MEGF10: variants seen among roughly 807,000 people sequenced by gnomAD.
MEGF10 encodes multiple epidermal growth factor-like domains protein 10.
In MEGF10, 86 loss-of-function variants were observed where a neutral mutation model predicts 147.5. That is an observed-to-expected ratio of 0.58 (90% CI 0.49 to 0.70). MEGF10 has a LOEUF of 0.70. Among genes scored for constraint, MEGF10 ranks in the 30% least tolerant of loss-of-function variants. The pLI is 0.00. For missense variants in MEGF10, 1,329 were observed against 1,487.3 expected, an observed-to-expected ratio of 0.89 and a Z score of 1.75; for synonymous variants, 478 against 525.5, an observed-to-expected ratio of 0.91 and a Z score of 1.24.
chr5:127,427,885 C>T (rs1171773986), intron 13 of MEGF10, among the ~76,000 whole-genome samples: 3 of 152,200 alleles, frequency 2.0e-5, no homozygotes, highest in Non-Finnish European at 4.4e-5. Context: ...AAATGACTCA[C>T]TATCTGACCC....
chr5:127,251,283 T>C, the MEGF10 span, among the ~76,000 whole-genome samples: 6 of 152,074 alleles, frequency 3.9e-5, no homozygotes, highest in African/African-American at 1.4e-4. Context: ...AGGAGCAGTA[T>C]GCACATCAGG....
chr5:127,294,830 AATAAT>A (rs1341466082), intron 1 of MEGF10, among the ~76,000 whole-genome samples: 33 of 146,844 alleles, frequency 2.2e-4, no homozygotes, highest in Non-Finnish European at 3.0e-4. Context: ...TAATAATAAT[AATAAT>A]AAATAACTTG....
rs1482351826 is a variant in MEGF10, at chr5:127,449,240, A to C, written c.2980+18A>C. On this transcript the variant is annotated intron_variant, in intron 22 of 24. Transcript: ENST00000503335. ...CGAGCTCGGTGAGTTCTCCCAACGC[A>C]CGTCCCCAGAAGCACCTTGACCTGT... is the stretch of plus-strand genomic sequence containing the variant. 2 of 1,612,730 alleles carry C rather than the reference A, an allele frequency of 1.2e-6. No individual in the cohort carries two copies. Among genetic ancestry groups the C allele is most frequent in the African/African-American group, 2.7e-5 (2 of 74,964 alleles).
chr5:127,266,881 ACTT>A, the MEGF10 span, among the ~76,000 whole-genome samples: 20 of 152,096 alleles, frequency 1.3e-4, no homozygotes, highest in African/African-American at 4.8e-4. Context: ...GGATGATTTG[ACTT>A]CTTCTCTTCC....
chr5:127,267,923 GTTC>G, the MEGF10 span, among the ~76,000 whole-genome samples: 1 of 152,084 alleles, frequency 6.6e-6, no homozygotes, highest in South Asian at 2.1e-4. Context: ...ATCTCCTTCA[GTTC>G]TTCTCTGATC....
At chr5:127,391,087 TGCGCGCGCGC>T (rs139002719) in intron 5 of MEGF10, among the ~76,000 whole-genome samples, 76 of 131,984 alleles carry the variant, frequency 5.8e-4, no homozygotes, top group Middle Eastern at 3.8e-3. Context: ...CATACACACA[TGCGCGCGCGC>T]GCGCGCACAC....
chr5:127,457,271 G>A lies in MEGF10; in HGVS notation c.3376G>A (p.Glu1126Lys). 1 of 1,614,040 alleles carries A rather than the reference G, an allele frequency of 6.2e-7. No homozygotes were observed. Among genetic ancestry groups the A allele is most frequent in the Non-Finnish European group, 8.5e-7 (1 of 1,179,998 alleles). The change falls in exon 25 of 25, where the codon GAG becomes AAG. Residue 1126 changes from glutamate to lysine, a missense_variant. Glu to Lys is a moderately conservative substitution (Grantham distance 56). Around this residue, in one of 3 missense-constraint regions of MEGF10, gnomAD observed 343 missense variants for 377.9 expected, o/e 0.91. Transcript: ENST00000503335. Reference sequence around the variant, plus strand: ...AGACAGTTCATCCTCCCCTAAGCAAGAGGACAGTGGTGGTAGCAGCAGCAA... The same window carrying A: ...AGACAGTTCATCCTCCCCTAAGCAAAAGGACAGTGGTGGTAGCAGCAGCAA... ...VRDSSSSPKQEDSGGSSSNSS... is the reference protein window; with the variant it reads ...VRDSSSSPKQKDSGGSSSNSS...
At chr5:127,445,219 A>G in intron 19 of MEGF10, 1 of 522,110 alleles carries the variant, frequency 1.9e-6, no homozygotes, top group South Asian at 2.2e-5. Flanking sequence ...GGCACGCATC[A>G]CTGTGCCCAG....
chr5:127,277,995 A>T, the MEGF10 span, among the ~76,000 whole-genome samples: 7 of 152,196 alleles, frequency 4.6e-5, no homozygotes, highest in Non-Finnish European at 1.0e-4. Context: ...GCAGCTGGGC[A>T]GAGGTCAAGC....
the MEGF10 span, among the ~76,000 whole-genome samples, chr5:127,255,471 GC>G: frequency 6.6e-6 from 1 of 151,502 alleles, no homozygotes; most frequent in Admixed American, 6.6e-5. Context: ...AAGGAGGGGG[GC>G]AGTTTTAGGG....
At chr5:127,302,174 A>T (rs922619246) in intron 1 of MEGF10, among the ~76,000 whole-genome samples, 3 of 152,252 alleles carry the variant, frequency 2.0e-5, no homozygotes, top group Non-Finnish European at 2.9e-5. Context: ...TCCTAGCAGC[A>T]TTATTTACAA....
chr5:127,364,974 CT>C (rs1360258540), intron 4 of MEGF10, among the ~76,000 whole-genome samples: 2 of 152,136 alleles, frequency 1.3e-5, no homozygotes, highest in Admixed American at 6.5e-5. Context: ...TTTTCCTGAT[CT>C]GTTTTCTTGT....
the MEGF10 span, among the ~76,000 whole-genome samples, chr5:127,283,050 T>C: frequency 3.9e-5 from 6 of 152,318 alleles, no homozygotes; most frequent in South Asian, 1.0e-3. Flanking sequence ...CCAGCTGCCC[T>C]CTCTTCTGGA....
intron 4 of MEGF10, among the ~76,000 whole-genome samples, chr5:127,364,963 A>T (rs917528432): frequency 6.6e-6 from 1 of 152,124 alleles, no homozygotes; most frequent in African/African-American, 2.4e-5. Flanking sequence ...GAAATTACCC[A>T]TTTTCCTGAT....
intron 13 of MEGF10, 104 bp from the exon 14 acceptor site, chr5:127,433,259 T>A: frequency 7.4e-7 from 1 of 1,351,688 alleles, no homozygotes; most frequent in African/African-American, 1.4e-5. Context: ...CTGCTGGTGA[T>A]CCTCAGGTTT....
intron 5 of MEGF10, among the ~76,000 whole-genome samples, chr5:127,373,443 C>T (rs1477126773): frequency 1.3e-5 from 2 of 152,160 alleles, no homozygotes; most frequent in Admixed American, 6.6e-5. Context: ...TGAGCCACTG[C>T]GCCCAACCCA....
chr5:127,434,249 A>G (rs1765481235), intron 14 of MEGF10, among the ~76,000 whole-genome samples: 1 of 152,192 alleles, frequency 6.6e-6, no homozygotes. Context: ...AAAAATCTTC[A>G]AATTTTGACT....
chr5:127,242,303 A>G, the MEGF10 span, among the ~76,000 whole-genome samples: 1 of 152,202 alleles, frequency 6.6e-6, no homozygotes, highest in South Asian at 2.1e-4. Context: ...CATGTTGCAA[A>G]TATCTGAGCA....
the MEGF10 span, among the ~76,000 whole-genome samples, chr5:127,238,748 A>G: frequency 6.6e-6 from 1 of 152,238 alleles, no homozygotes; most frequent in Non-Finnish European, 1.5e-5. Flanking sequence ...TTTATGATCT[A>G]TAACCACCTT....
Sources: gnomAD v4.1 joint callset for allele counts (sites outside exome capture counted in the v4.1 genomes callset) on GRCh38, gnomAD v4.1.1 for gene constraint, gnomAD v4.1.1 regional missense constraint, MANE v1.5 for transcripts, NCBI Gene and HGNC (gene_info 2026-07-23, HGNC 2026-07-21) for gene names.